SH3RF3: variants seen among roughly 807,000 people sequenced by gnomAD.
The protein encoded by SH3RF3 is E3 ubiquitin-protein ligase SH3RF3.
SH3RF3 carries 29 observed loss-of-function variants against 66.3 expected under a neutral mutation model. That is an observed-to-expected ratio of 0.44 (90% CI 0.33 to 0.60). The LOEUF (loss-of-function observed/expected upper bound fraction) is 0.60, where lower values mean the gene tolerates loss of function less well. Among genes scored for constraint, SH3RF3 ranks in the 20% least tolerant of loss-of-function variants. The pLI, the probability that SH3RF3 is intolerant of heterozygous loss-of-function variation, is 0.04. For missense variants in SH3RF3, 1,194 were observed against 1,190.9 expected (o/e 1.00, Z -0.04); for synonymous variants, 583 against 532.0 (o/e 1.10, Z -1.32).
At chr2:109,436,471 G>A (rs137988226) in intron 6 of SH3RF3, among the ~76,000 whole-genome samples, 30 of 152,308 alleles carry the variant, frequency 2.0e-4, no homozygotes, top group African/African-American at 4.3e-4. Flanking sequence ...GGTGGCAGTC[G>A]TGCCCAGAGG....
At chr2:109,167,555 T>C (rs1677658406) in intron 1 of SH3RF3, among the ~76,000 whole-genome samples, 1 of 152,200 alleles carries the variant, frequency 6.6e-6, no homozygotes, top group South Asian at 2.1e-4. Flanking sequence ...CTGAATTCTT[T>C]TATTTAATTC....
chr2:109,383,347 G>A (rs1315078849), intron 3 of SH3RF3, among the ~76,000 whole-genome samples: 1 of 152,142 alleles, frequency 6.6e-6, no homozygotes, highest in Non-Finnish European at 1.5e-5. Context: ...TTATTCCAGA[G>A]CAGCCCATCT....
chr2:109,162,955 T>C (rs1038644528), intron 1 of SH3RF3, among the ~76,000 whole-genome samples: 3 of 152,206 alleles, frequency 2.0e-5, no homozygotes, highest in Non-Finnish European at 4.4e-5. Flanking sequence ...GCTGAAATTG[T>C]CACCTCTCCA....
At chr2:109,264,521 C>G (rs1424974177) in intron 1 of SH3RF3, among the ~76,000 whole-genome samples, 1 of 152,260 alleles carries the variant, frequency 6.6e-6, no homozygotes, top group African/African-American at 2.4e-5. Flanking sequence ...TAGAAGATGG[C>G]AAAGTGAATC....
At chr2:109,349,123 T>G (rs551007954) in intron 2 of SH3RF3, among the ~76,000 whole-genome samples, 1 of 152,042 alleles carries the variant, frequency 6.6e-6, no homozygotes, top group Admixed American at 6.5e-5. Context: ...TTCCTGCCTC[T>G]GAGAGGCCAT....
intron 8 of SH3RF3, among the ~76,000 whole-genome samples, chr2:109,457,121 G>A (rs1678082301): frequency 6.6e-6 from 1 of 152,210 alleles, no homozygotes; most frequent in South Asian, 2.1e-4. Flanking sequence ...GGGGACGATA[G>A]CACCTACCAC....
intron 1 of SH3RF3, among the ~76,000 whole-genome samples, chr2:109,213,086 A>G (rs1679028219): frequency 6.6e-6 from 1 of 152,226 alleles, no homozygotes; most frequent in African/African-American, 2.4e-5. Flanking sequence ...ATCTGAAAGC[A>G]CAGTCAAGCA....
chr2:109,319,693 A>C (rs1681976348), intron 1 of SH3RF3, among the ~76,000 whole-genome samples: 1 of 152,170 alleles, frequency 6.6e-6, no homozygotes, highest in African/African-American at 2.4e-5. Context: ...GATCTTGAAG[A>C]GTGCCGTGCC....
chr2:109,476,225 A>G (rs1678679296), intron 8 of SH3RF3, among the ~76,000 whole-genome samples: 1 of 152,202 alleles, frequency 6.6e-6, no homozygotes, highest in Non-Finnish European at 1.5e-5. Flanking sequence ...TGCCCCCACC[A>G]GGCCTGCTAG....
At chr2:109,491,049 A>T (rs949545006) in intron 9 of SH3RF3, 113 bp downstream of exon 9, 1 of 1,023,842 alleles carries the variant, frequency 9.8e-7, no homozygotes, top group Non-Finnish European at 1.3e-6. Context: ...GGTTTACCAG[A>T]TGTACCTCAA....
chr2:109,129,684 G>A lies in SH3RF3; in HGVS notation c.144G>A (p.Glu48=). 6.6e-7 allele frequency: 1 copy of A among 1,525,306 alleles called. No individual in the cohort carries two copies. The highest frequency in any genetic ancestry group is 1.2e-5 in the South Asian group (1 of 82,026). 94.5% of individuals were successfully genotyped at this position (1,525,306 alleles called of 1,614,324 possible). A position where few individuals can be genotyped will look rare whatever the true frequency, so the allele number is the denominator to read the frequency against. The part of the protein sequence containing the change: ...TAAGAGEDMD[E]SSLLDLLECS... ...CGGGGGCGGGCGAGGACATGGACGA[G>A]TCGTCGCTGCTGGACCTGCTGGAGT... Residue 48 remains glutamate, a synonymous_variant, in exon 1 of 10, where the codon GAG becomes GAA. Coordinates refer to ENST00000309415, the MANE Select transcript of SH3RF3 (RefSeq NM_001099289.3).
intron 3 of SH3RF3, among the ~76,000 whole-genome samples, chr2:109,385,646 C>T (rs1318171757): frequency 6.6e-6 from 1 of 152,324 alleles, no homozygotes; most frequent in Non-Finnish European, 1.5e-5. Context: ...CTGAGGTCAG[C>T]TGCTTGAGCA....
At position 109,376,215 on chromosome 2, in the gene SH3RF3, A is replaced by G. The variant is rs541292059; in HGVS notation, c.945+4534A>G. Among the ~76,000 whole-genome samples, 5 of 152,344 alleles carry G rather than the reference A, an allele frequency of 3.3e-5. No homozygotes were observed. The South Asian group carries it at 8.3e-4, about 25-fold the overall frequency. On this transcript the variant is annotated intron_variant, in intron 3 of 9. Coordinates refer to ENST00000309415, the MANE Select transcript of SH3RF3 (RefSeq NM_001099289.3). ...GAACACATTTGGCCTGGTTAGCTGA[A>G]TGGGTTTGAAGGCAGGGCAGTTTCC...
rs138143172 is a variant in SH3RF3, at chr2:109,292,786, G to A, written c.574-54888G>A. 8.0e-3 allele frequency among the ~76,000 whole-genome samples: 1,215 copies of A among 152,280 alleles called. 12 individuals carry two copies. Among genetic ancestry groups the A allele is most frequent in the East Asian group, 0.037 (194 of 5,178 alleles). On this transcript the variant is annotated intron_variant, in intron 1 of 9. Coordinates refer to ENST00000309415, the MANE Select transcript of SH3RF3 (RefSeq NM_001099289.3). Reference sequence around the variant, plus strand: ...TCACTCTTGTTGCCCAGGCTGGAGTGCAGTGGCATGATCTTGGCTCACTGC... The same window carrying A: ...TCACTCTTGTTGCCCAGGCTGGAGTACAGTGGCATGATCTTGGCTCACTGC...
chr2:109,245,044 T>A (rs1422233847), intron 1 of SH3RF3, among the ~76,000 whole-genome samples: 1 of 152,154 alleles, frequency 6.6e-6, no homozygotes, highest in African/African-American at 2.4e-5. Flanking sequence ...TGTTTAGTCC[T>A]GTTGTCTGGG....
chr2:109,279,761 G>A (rs886560832), intron 1 of SH3RF3, among the ~76,000 whole-genome samples: 4 of 150,532 alleles, frequency 2.7e-5, no homozygotes, highest in African/African-American at 7.3e-5. Flanking sequence ...GCGAAACTTC[G>A]CAGACGCTGA....
At chr2:109,412,914 T>G (rs990667161) in intron 4 of SH3RF3, among the ~76,000 whole-genome samples, 3 of 152,196 alleles carry the variant, frequency 2.0e-5, no homozygotes, top group African/African-American at 7.2e-5. Flanking sequence ...CACCTCCATT[T>G]CCACTCTGCA....
chr2:109,175,110 T>C (rs1391917903), intron 1 of SH3RF3, among the ~76,000 whole-genome samples: 1 of 152,178 alleles, frequency 6.6e-6, no homozygotes, highest in Non-Finnish European at 1.5e-5. Flanking sequence ...TCATGCCTAC[T>C]AGTAGTCCTG....
chr2:109,407,664 T>C (rs1386237481), intron 4 of SH3RF3, among the ~76,000 whole-genome samples: 1 of 152,228 alleles, frequency 6.6e-6, no homozygotes, highest in Non-Finnish European at 1.5e-5. Context: ...TGGGCTTATT[T>C]TTAGCATTTT....
Sources: gnomAD v4.1 joint callset for allele counts (sites outside exome capture counted in the v4.1 genomes callset) on GRCh38, gnomAD v4.1.1 for gene constraint, MANE v1.5 for transcripts, NCBI Gene and HGNC (gene_info 2026-07-23, HGNC 2026-07-21) for gene names.